Variants in WDR59 observed in about 807,000 individuals in gnomAD.
The protein encoded by WDR59 is GATOR2 complex protein WDR59.
WDR59 carries 100 observed loss-of-function variants against 131.2 expected under a neutral mutation model. That is an observed-to-expected ratio of 0.76 (90% CI 0.65 to 0.90). The LOEUF (loss-of-function observed/expected upper bound fraction) is 0.90, where lower values mean the gene tolerates loss of function less well. WDR59 is among the 40% of genes least tolerant of loss of function. The pLI is 0.00. For synonymous variants in WDR59, 601 were observed against 466.2 expected (o/e 1.29, Z -3.72); for missense variants, 1,203 against 1,262.2 (o/e 0.95, Z 0.71).
At chr16:74,959,455 A>T in intron 2 of WDR59, 1 of 433,608 alleles carries the variant, frequency 2.3e-6, no homozygotes, top group Non-Finnish European at 4.5e-6. Context: ...GATAGGGACT[A>T]ATGCAACAGA....
chr16:74,909,906 G>A lies in WDR59; in HGVS notation c.1401C>T (p.Asp467=). 1.2e-6 allele frequency: 2 copies of A among 1,611,648 alleles called. No individual in the cohort carries two copies. Among genetic ancestry groups the A allele is most frequent in the Middle Eastern group, 1.8e-4 (1 of 5,414 alleles). The change falls in exon 15 of 26, where the codon GAC becomes GAT. Residue 467 remains aspartate, a synonymous_variant. Coordinates refer to ENST00000262144, the MANE Select transcript of WDR59 (RefSeq NM_030581.4). The part of the protein sequence containing the change: ...MKAKLLKILK[D]TALQKVKRGQ... ...CACGCTTCACTTTCTGCAGGGCTGT[G>A]TCCTTCAGGATCTAGAAAAGGCCCA... is the stretch of plus-strand genomic sequence containing the variant.
intron 17 of WDR59, 24 bp from the exon 18 acceptor site, chr16:74,904,124 C>T: frequency 1.2e-6 from 2 of 1,603,766 alleles, no homozygotes; most frequent in Non-Finnish European, 1.7e-6. Flanking sequence ...TGATAATTAT[C>T]CACACTGGCT....
In WDR59 at chr16:74,889,820, A is replaced by G; in HGVS notation, c.2083-5T>C. 1 of 1,607,576 alleles carries G rather than the reference A, an allele frequency of 6.2e-7. No homozygotes were observed. The highest frequency in any genetic ancestry group is 8.5e-7 in the Non-Finnish European group (1 of 1,177,258). ...TACCGTAGCCAGCGACCAAACCTGG[A>G]CAGATCAAAGAGAAATACAAACTCA... is the stretch of plus-strand genomic sequence containing the variant. On this transcript the variant is annotated splice_polypyrimidine_tract_variant and splice_region_variant and intron_variant, in intron 20 of 25. Coordinates refer to ENST00000262144, the MANE Select transcript of WDR59 (RefSeq NM_030581.4).
chr16:74,930,656 G>A (rs973682440), intron 8 of WDR59: 2 of 151,954 alleles, frequency 1.3e-5, no homozygotes, highest in African/African-American at 2.4e-5. Context: ...ACTTTGGGAG[G>A]TCAAGGTGGG....
chr16:74,908,985 A>C lies in WDR59; in HGVS notation c.1643-8T>G, dbSNP rs772762601. The stretch of plus-strand genomic sequence containing the variant: ...TGAAATATACCAGGTAACCTAAAGG[A>C]GGAGACATCACATGAGCCATCAGTG... On this transcript the variant is annotated splice_region_variant and splice_polypyrimidine_tract_variant and intron_variant, in intron 16 of 25. Transcript: ENST00000262144. 1 of 1,612,766 alleles carries C rather than the reference A, an allele frequency of 6.2e-7. No homozygotes were observed. The highest frequency in any genetic ancestry group is 1.3e-5 in the African/African-American group (1 of 75,004).
intron 8 of WDR59, chr16:74,930,872 G>GCA (rs2031314499): frequency 9.4e-6 from 1 of 105,994 alleles, no homozygotes. Context: ...TAGCCTGGAT[G>GCA]ACAGAGAGAG....
At chr16:74,896,609 TG>T (rs1965310071) in intron 18 of WDR59, among the ~76,000 whole-genome samples, 1 of 149,324 alleles carries the variant, frequency 6.7e-6, no homozygotes, top group Non-Finnish European at 1.5e-5. Flanking sequence ...CACTCCAGCC[TG>T]GGCAACAGAG....
rs115860530 is a variant in WDR59 at position 74,902,964 on chromosome 16, T to C, written c.1866+983A>G. Among the ~76,000 whole-genome samples the C allele has an allele frequency of 7.2e-3, 1,101 of 152,110 alleles. 20 individuals are homozygous for C. Among genetic ancestry groups the C allele is most frequent in the African/African-American group, 0.025 (1,037 of 41,486 alleles). ...TCCCTATTCAACTAAATGGTTTTGC[T>C]CAAGACTGGTCTGGTCTCAAACACC... On this transcript the variant is annotated intron_variant, in intron 18 of 25. Transcript: ENST00000262144.
intron 1 of WDR59, among the ~76,000 whole-genome samples, chr16:74,975,806 G>C (rs34537838): frequency 6.6e-6 from 1 of 151,880 alleles, no homozygotes; most frequent in Non-Finnish European, 1.5e-5. Context: ...AATCCTTAAC[G>C]TCTTTGTTCT....
intron 25 of WDR59, among the ~76,000 whole-genome samples, chr16:74,881,559 A>G (rs1964482973): frequency 6.6e-6 from 1 of 152,102 alleles, no homozygotes; most frequent in Non-Finnish European, 1.5e-5. Context: ...AGTCAGGACT[A>G]CATTGTAAAA....
At chr16:74,937,494 C>T (rs1022736750) in intron 8 of WDR59, among the ~76,000 whole-genome samples, 8 of 152,082 alleles carry the variant, frequency 5.3e-5, no homozygotes, top group East Asian at 1.9e-4. Context: ...GCAGCTTCTT[C>T]GCAAGGGAAC....
chr16:74,940,951 G>GC (rs1597758964), intron 7 of WDR59, among the ~76,000 whole-genome samples: 1 of 151,924 alleles, frequency 6.6e-6, no homozygotes, highest in East Asian at 2.0e-4. Flanking sequence ...TGATCCACCC[G>GC]CCTCAGCCTC....
At chr16:74,944,983 G>C (rs912276618) in intron 6 of WDR59, among the ~76,000 whole-genome samples, 3 of 152,006 alleles carry the variant, frequency 2.0e-5, no homozygotes, top group Non-Finnish European at 4.4e-5. Context: ...AATTAGCTGG[G>C]TGTGGTGGCC....
chr16:74,961,202 G>A (rs528783931), intron 2 of WDR59, among the ~76,000 whole-genome samples: 1 of 151,952 alleles, frequency 6.6e-6, no homozygotes, highest in African/African-American at 2.4e-5. Flanking sequence ...CCAGCAGTTT[G>A]GAGGTTGAGG....
rs368366163 is a variant in WDR59 at position 74,976,482 on chromosome 16, G to A, written c.54+8482C>T. ...TTTTGAGACGCAGCCTTACCCTGTC[G>A]CCCAGGCTGGAGTCCAAGGGCGCAA... On this transcript the variant is annotated intron_variant, in intron 1 of 25. Transcript: ENST00000262144. Among the ~76,000 whole-genome samples, 35 of 143,700 alleles carry A rather than the reference G, an allele frequency of 2.4e-4. No homozygotes were observed. In the East Asian group the frequency reaches 3.8e-3, roughly 16 times the overall value. The allele number at this position is 143,700 out of a possible 152,430, so 94.3% of individuals were successfully genotyped here.
intron 13 of WDR59, among the ~76,000 whole-genome samples, chr16:74,912,990 G>A (rs914254141): frequency 6.6e-6 from 1 of 151,890 alleles, no homozygotes; most frequent in African/African-American, 2.4e-5. Flanking sequence ...TTCCAGCGTG[G>A]GCATCACCAC....
At chr16:74,979,838 C>CTTTTTTTTT (rs56943510) in intron 1 of WDR59, among the ~76,000 whole-genome samples, 6 of 60,472 alleles carry the variant, frequency 9.9e-5, no homozygotes, top group East Asian at 7.5e-4. Flanking sequence ...CACACCCGGC[C>CTTTTTTTTT]TTTTTTTTTT....
In WDR59 at chr16:74,951,438, T is replaced by G; in HGVS notation, c.326+20A>C. ...TGACAAAGCAAGACAGCCAAAGAGC[T>G]GTGGAGGGCTGGTGCCTACCTGATG... On this transcript the variant is annotated intron_variant, in intron 4 of 25. Transcript: ENST00000262144. The G allele has an allele frequency of 1.9e-6, 3 of 1,582,052 alleles. No individual in the cohort carries two copies. The highest frequency in any genetic ancestry group is 2.6e-6 in the Non-Finnish European group (3 of 1,163,324).
chr16:74,958,620 A>AAAAAAAAAAAAAAAAAAAC (rs1199806175), intron 2 of WDR59, among the ~76,000 whole-genome samples: 1 of 141,048 alleles, frequency 7.1e-6, no homozygotes, highest in African/African-American at 2.6e-5. Flanking sequence ...AAAAAAAAAA[A>AAAAAAAAAAAAAAAAAAAC]CAAGCTAAAT....
Sources: allele counts gnomAD v4.1 joint callset (sites outside exome capture counted in the v4.1 genomes callset), GRCh38; gene constraint gnomAD v4.1.1; transcripts MANE v1.5; gene names NCBI Gene and HGNC (gene_info 2026-07-23, HGNC 2026-07-21).